Variants in PLCB4 observed in about 807,000 individuals in gnomAD.
PLCB4 encodes phospholipase C beta 4, also known as 1-phosphatidylinositol 4,5-bisphosphate phosphodiesterase beta-4.
A neutral mutation model predicts 178.8 loss-of-function variants in PLCB4; 77 were observed. That is an observed-to-expected ratio of 0.43 (90% CI 0.36 to 0.52). The LOEUF (loss-of-function observed/expected upper bound fraction) is 0.52, where lower values mean the gene tolerates loss of function less well. PLCB4 is among the 20% of genes least tolerant of loss of function. The pLI, the probability that PLCB4 is intolerant of heterozygous loss-of-function variation, is 0.00. For missense variants in PLCB4, 1,024 were observed against 1,453.4 expected (o/e 0.70, Z 4.80); for synonymous variants, 496 against 490.8 (o/e 1.01, Z -0.14).
At chr20:9,276,848 G>A (rs1362862261) in intron 3 of PLCB4, among the ~76,000 whole-genome samples, 1 of 152,082 alleles carries the variant, frequency 6.6e-6, no homozygotes, top group African/African-American at 2.4e-5. Context: ...GCTGAGGTGG[G>A]AGGATCGCTT....
chr20:9,469,339 C>G (rs976799860), intron 36 of PLCB4, among the ~76,000 whole-genome samples: 4 of 152,186 alleles, frequency 2.6e-5, no homozygotes, highest in Non-Finnish European at 5.9e-5. Flanking sequence ...TTCTGCAAGC[C>G]TCTCCCCTGC....
intron 3 of PLCB4, among the ~76,000 whole-genome samples, chr20:9,299,147 A>T (rs959754746): frequency 1.9e-4 from 29 of 152,062 alleles, no homozygotes; most frequent in African/African-American, 6.5e-4. Context: ...AAATTCTGAA[A>T]GGGGAGAACA....
intron 2 of PLCB4, among the ~76,000 whole-genome samples, chr20:9,161,761 C>A (rs542678792): frequency 3.3e-5 from 5 of 152,090 alleles, no homozygotes; most frequent in Admixed American, 1.3e-4. Flanking sequence ...TTTTATTGTT[C>A]TGTGGATTCT....
chr20:9,449,564 G>A (rs1045594649), intron 32 of PLCB4, among the ~76,000 whole-genome samples: 8 of 152,162 alleles, frequency 5.3e-5, no homozygotes, highest in African/African-American at 1.4e-4. Context: ...TTTTACTATC[G>A]GCGTCTAATT....
intron 2 of PLCB4, among the ~76,000 whole-genome samples, chr20:9,142,988 C>T (rs2092524702): frequency 6.6e-6 from 1 of 152,166 alleles, no homozygotes; most frequent in Admixed American, 6.5e-5. Context: ...CTTTTCCTTA[C>T]ACACACTGGG....
At chr20:9,175,295 G>A (rs1271015301) in intron 2 of PLCB4, among the ~76,000 whole-genome samples, 2 of 152,152 alleles carry the variant, frequency 1.3e-5, no homozygotes, top group African/African-American at 4.8e-5. Flanking sequence ...GGAGAAGGGT[G>A]AACCCTTCTA....
intron 3 of PLCB4, among the ~76,000 whole-genome samples, chr20:9,223,605 G>T (rs1601274489): frequency 6.6e-6 from 1 of 152,152 alleles, no homozygotes; most frequent in African/African-American, 2.4e-5. Context: ...CTCTTCATGG[G>T]CAGCTTTATT....
chr20:9,133,164 T>C (rs1486596398), intron 2 of PLCB4, among the ~76,000 whole-genome samples: 1 of 152,206 alleles, frequency 6.6e-6, no homozygotes, highest in Non-Finnish European at 1.5e-5. Context: ...TTTTGATATC[T>C]TCTTACCTTT....
chr20:9,361,456 G>T (rs1391452208), intron 7 of PLCB4, among the ~76,000 whole-genome samples: 1 of 152,168 alleles, frequency 6.6e-6, no homozygotes, highest in Non-Finnish European at 1.5e-5. Context: ...AAGGAGAATG[G>T]TATTAATATT....
At chr20:9,276,549 G>A (rs918813631) in intron 3 of PLCB4, among the ~76,000 whole-genome samples, 1 of 151,976 alleles carries the variant, frequency 6.6e-6, no homozygotes, top group Non-Finnish European at 1.5e-5. Context: ...TTGTGAGAGG[G>A]GGTTATTTAT....
intron 32 of PLCB4, among the ~76,000 whole-genome samples, chr20:9,453,074 C>T (rs187976794): frequency 1.9e-3 from 289 of 152,244 alleles, no homozygotes; most frequent in Non-Finnish European, 3.5e-3. Context: ...GAAAGGACTT[C>T]GAGATGATTG....
intron 32 of PLCB4, among the ~76,000 whole-genome samples, chr20:9,450,653 CT>C (rs1568864017): frequency 8.2e-6 from 1 of 122,420 alleles, no homozygotes. Context: ...CTTTTCTTTT[CT>C]TTTCTTTTTT....
chr20:9,160,118 G>T lies in PLCB4; in HGVS notation c.-78-57272G>T, dbSNP rs916014805. On this transcript the variant is annotated intron_variant, in intron 2 of 39. Coordinates refer to ENST00000378473, the MANE Select transcript of PLCB4 (RefSeq NM_001377142.1). ...GGGTGAGCTGGATCCAACTCCGTTTGGTGGCATAATAGAGAGCACCTTTAT... is the reference window on the plus strand; with the variant it reads ...GGGTGAGCTGGATCCAACTCCGTTTTGTGGCATAATAGAGAGCACCTTTAT... Among the ~76,000 whole-genome samples, 3 of 152,170 alleles carry T rather than the reference G, an allele frequency of 2.0e-5. No homozygotes were observed. In the South Asian group the frequency reaches 6.2e-4, roughly 32 times the overall value.
intron 3 of PLCB4, among the ~76,000 whole-genome samples, chr20:9,301,160 A>T (rs1431772039): frequency 2.0e-5 from 3 of 151,660 alleles, no homozygotes; most frequent in African/African-American, 4.8e-5. Flanking sequence ...GATGATCCAG[A>T]ATAATCTCCC....
intron 28 of PLCB4, among the ~76,000 whole-genome samples, chr20:9,434,328 A>G (rs938582309): frequency 2.0e-5 from 3 of 152,110 alleles, no homozygotes; most frequent in Non-Finnish European, 4.4e-5. Flanking sequence ...TTTTCATTTT[A>G]TATATTTGAA....
intron 1 of PLCB4, among the ~76,000 whole-genome samples, chr20:9,077,423 G>A (rs1441568586): frequency 6.6e-6 from 1 of 152,286 alleles, no homozygotes; most frequent in Admixed American, 6.5e-5. Flanking sequence ...TGATTATGCA[G>A]CTGAACATAG....
chr20:9,225,151 T>C (rs182721876), intron 3 of PLCB4, among the ~76,000 whole-genome samples: 104 of 152,322 alleles, frequency 6.8e-4, no homozygotes, highest in Non-Finnish European at 1.2e-3. Flanking sequence ...CATTGTAGAA[T>C]CTAGCTGGTA....
intron 2 of PLCB4, among the ~76,000 whole-genome samples, chr20:9,111,428 T>G (rs1031946864): frequency 2.6e-5 from 4 of 152,210 alleles, no homozygotes; most frequent in African/African-American, 9.6e-5. Flanking sequence ...TTGTTATTTT[T>G]GAAAATATTC....
At chr20:9,180,051 T>C (rs1198459009) in intron 2 of PLCB4, among the ~76,000 whole-genome samples, 4 of 152,214 alleles carry the variant, frequency 2.6e-5, no homozygotes, top group African/African-American at 9.6e-5. Flanking sequence ...TGTTTAGGAA[T>C]GTTTAGTTCT....
Sources: gnomAD v4.1 joint callset for allele counts (sites outside exome capture counted in the v4.1 genomes callset) on GRCh38, gnomAD v4.1.1 for gene constraint, MANE v1.5 for transcripts, NCBI Gene and HGNC (gene_info 2026-07-23, HGNC 2026-07-21) for gene names.